Variants in FRMPD4 observed in about 807,000 individuals in gnomAD.
FRMPD4 encodes the protein FERM and PDZ domain containing 4, also known as FERM and PDZ domain-containing protein 4.
FRMPD4 carries 22 observed loss-of-function variants against 94.1 expected under a neutral mutation model. That is an observed-to-expected ratio of 0.23 (90% CI 0.17 to 0.33). The LOEUF is 0.33. FRMPD4 is among the 10% of genes least tolerant of loss of function. The probability of loss-of-function intolerance (pLI) is 1.00; values close to 1 mark genes in which losing one functional copy is unlikely to be tolerated. For missense variants in FRMPD4, 1,111 were observed against 1,339.9 expected (o/e 0.83, Z 2.67); for synonymous variants, 631 against 548.6 (o/e 1.15, Z -2.10).
intron 3 of FRMPD4, among the ~76,000 whole-genome samples, chrX:12,041,773 C>T (rs1229276914): frequency 9.0e-6 from 1 of 111,376 alleles, no homozygotes; most frequent in African/African-American, 3.3e-5. Context: ...TCTCAAATTC[C>T]CATGGAAATA....
chrX:12,095,409 T>C (rs1370134609), intron 3 of FRMPD4, among the ~76,000 whole-genome samples: 1 of 109,523 alleles, frequency 9.1e-6, no homozygotes, highest in Non-Finnish European at 1.9e-5. Context: ...TTTCATGACA[T>C]GTGAAAATTA....
intron 1 of FRMPD4, among the ~76,000 whole-genome samples, chrX:12,167,951 A>T (rs547679001): frequency 1.3e-4 from 14 of 110,726 alleles, no homozygotes; most frequent in African/African-American, 4.6e-4. Flanking sequence ...GGTAAGGACA[A>T]TTGTGCCCCT....
chrX:12,390,350 AACCAGCTCCAGTTTAT>A (rs1449611382), intron 1 of FRMPD4, among the ~76,000 whole-genome samples: 1 of 112,662 alleles, frequency 8.9e-6, no homozygotes, highest in East Asian at 2.8e-4. Context: ...GATCCCTTTT[AACCAGCTCCAGTTTAT>A]ACCAAATATT....
At chrX:12,394,296 G>A (rs2056515400) in intron 1 of FRMPD4, among the ~76,000 whole-genome samples, 1 of 111,493 alleles carries the variant, frequency 9.0e-6, no homozygotes, top group Non-Finnish European at 1.9e-5. Context: ...GAGAGATGGT[G>A]AAATGAAGGA....
intron 2 of FRMPD4, among the ~76,000 whole-genome samples, chrX:12,557,093 C>T (rs921920042): frequency 8.9e-6 from 1 of 112,253 alleles, no homozygotes; most frequent in Non-Finnish European, 1.9e-5. Flanking sequence ...GTGTGAGCCA[C>T]TGCATTCAGC....
At chrX:12,323,164 C>T (rs1308396376) in intron 1 of FRMPD4, among the ~76,000 whole-genome samples, 2 of 111,487 alleles carry the variant, frequency 1.8e-5, no homozygotes, top group Non-Finnish European at 3.8e-5. Context: ...AATTGGATGC[C>T]CCCATTCTGG....
chrX:12,621,968 G>GAGAAAGAAAGAGAGAAAGAA (rs2059295151), intron 4 of FRMPD4, among the ~76,000 whole-genome samples: 1 of 41,077 alleles, frequency 2.4e-5, no homozygotes, highest in African/African-American at 1.1e-4. Context: ...AAGAAAGAAA[G>GAGAAAGAAAGAGAGAAAGAA]AGAAAGAAAG....
intron 1 of FRMPD4, among the ~76,000 whole-genome samples, chrX:12,433,873 A>G (rs908857312): frequency 1.8e-5 from 2 of 112,113 alleles, no homozygotes; most frequent in Admixed American, 1.9e-4. Flanking sequence ...GCAGGGCGAA[A>G]TCTCAGCTGG....
chrX:12,642,388 AG>A (rs935560535), intron 4 of FRMPD4, among the ~76,000 whole-genome samples: 15 of 112,261 alleles, frequency 1.3e-4, no homozygotes, highest in Non-Finnish European at 2.4e-4. Context: ...AAAGCTAACC[AG>A]GCAAAGAGCG....
At chrX:12,540,737 G>A (rs1229284567) in intron 2 of FRMPD4, among the ~76,000 whole-genome samples, 1 of 111,441 alleles carries the variant, frequency 9.0e-6, no homozygotes, top group Admixed American at 9.5e-5. Context: ...GCACCAAGTG[G>A]GCCTAATAGA....
At chrX:11,973,779 T>A (rs948198255) in intron 3 of FRMPD4, among the ~76,000 whole-genome samples, 5 of 111,963 alleles carry the variant, frequency 4.5e-5, no homozygotes, top group African/African-American at 1.3e-4. Flanking sequence ...GAGTGCTATA[T>A]AACGCTAAGG....
At chrX:12,591,608 T>C (rs1452567431) in intron 2 of FRMPD4, among the ~76,000 whole-genome samples, 1 of 112,267 alleles carries the variant, frequency 8.9e-6, no homozygotes, top group African/African-American at 3.2e-5. Context: ...TGCTTTGTGC[T>C]ACAATGGCAG....
chrX:12,633,623 T>C (rs1449226821), intron 4 of FRMPD4, among the ~76,000 whole-genome samples: 1 of 112,410 alleles, frequency 8.9e-6, no homozygotes, highest in African/African-American at 3.2e-5. Flanking sequence ...ACTAGTGTTA[T>C]GGATAAACAT....
chrX:12,122,999 C>A (rs1485536214), intron 3 of FRMPD4, among the ~76,000 whole-genome samples: 2 of 111,082 alleles, frequency 1.8e-5, no homozygotes, highest in African/African-American at 6.5e-5. Context: ...AGGAGGGCCT[C>A]CCTTTATGCT....
chrX:12,009,823 T>G (rs1679639744), intron 3 of FRMPD4, among the ~76,000 whole-genome samples: 1 of 112,204 alleles, frequency 8.9e-6, no homozygotes, highest in African/African-American at 3.2e-5. Flanking sequence ...AGAAAAGAAT[T>G]CCCTCTACTT....
intron 1 of FRMPD4, among the ~76,000 whole-genome samples, chrX:11,834,801 C>G (rs1186094688): frequency 8.9e-6 from 1 of 111,806 alleles, no homozygotes; most frequent in East Asian, 2.8e-4. Context: ...GAGGAATGAA[C>G]TTATTTAAAA....
chrX:12,311,389 T>G (rs1270164451), intron 1 of FRMPD4, among the ~76,000 whole-genome samples: 1 of 112,665 alleles, frequency 8.9e-6, no homozygotes, highest in Non-Finnish European at 1.9e-5. Flanking sequence ...CTGTTATTGT[T>G]ATCGTGTATT....
In FRMPD4 at chrX:11,942,982, A is replaced by G. The variant is rs934623803; in HGVS notation, c.95+64964A>G. ...CATATAAATTGGATCTATTTTTTAA[A>G]AGGAGAAAATCAAAGCTAGCCATAG... On this transcript the variant is annotated intron_variant, in intron 3 of 18. Coordinates refer to the FRMPD4 transcript ENST00000640291. Among the ~76,000 whole-genome samples the G allele has an allele frequency of 4.5e-5, 5 of 112,102 alleles. No homozygotes were observed. The Admixed American group carries it at 4.7e-4, about 11-fold the overall frequency.
intron 4 of FRMPD4, among the ~76,000 whole-genome samples, chrX:12,662,888 G>A (rs780822513): frequency 1.8e-5 from 2 of 112,348 alleles, no homozygotes; most frequent in African/African-American, 3.2e-5. Context: ...TTTAATGATC[G>A]CCATTTTAAC....
Sources: allele counts gnomAD v4.1 joint callset (sites outside exome capture counted in the v4.1 genomes callset), GRCh38; gene constraint gnomAD v4.1.1; transcripts MANE v1.5; gene names NCBI Gene and HGNC (gene_info 2026-07-23, HGNC 2026-07-21).